The following PTPN14 variants were observed in gnomAD, a reference collection of about 807,000 sequenced individuals.
The protein encoded by PTPN14 is tyrosine-protein phosphatase non-receptor type 14.
Under a neutral mutation model 126.8 loss-of-function variants are expected in PTPN14, and 53 were observed. The ratio of observed to expected loss-of-function variants is 0.42; its 90% CI spans 0.34 to 0.53. The LOEUF (loss-of-function observed/expected upper bound fraction) is 0.53. Ranked by LOEUF, PTPN14 falls within the 20% of genes least tolerant of loss-of-function variation. PTPN14 has a pLI of 0.08. For synonymous variants in PTPN14, 630 were observed against 599.3 expected (o/e 1.05, Z -0.75); for missense variants, 1,257 against 1,552.9 (o/e 0.81, Z 3.20).
chr1:214,541,836 T>G (rs1655844916), intron 1 of PTPN14, among the ~76,000 whole-genome samples: 1 of 152,218 alleles, frequency 6.6e-6, no homozygotes, highest in Non-Finnish European at 1.5e-5. Context: ...TCCTGTGTGC[T>G]TCAGACAAAA....
In PTPN14 at chr1:214,444,571, C is replaced by T. The variant is rs116510406; in HGVS notation, c.344+7234G>A. Among the ~76,000 whole-genome samples the T allele has an allele frequency of 8.8e-3, 1,338 of 152,268 alleles. 12 individuals are homozygous for T. The highest frequency in any genetic ancestry group is 0.014 in the Non-Finnish European group (942 of 68,020). The stretch of plus-strand genomic sequence containing the variant: ...CCATAATTAGAGCTTTTAAAACAGA[C>T]ACTTTAAACACTGGTTGAACACTAA... On this transcript the variant is annotated intron_variant, in intron 3 of 18. Coordinates refer to ENST00000366956, the MANE Select transcript of PTPN14 (RefSeq NM_005401.5).
intron 1 of PTPN14, among the ~76,000 whole-genome samples, chr1:214,497,536 C>T (rs191065004): frequency 9.9e-5 from 15 of 152,240 alleles, no homozygotes; most frequent in Admixed American, 8.5e-4. Context: ...CAAGCTTCTA[C>T]ATACATCTAT....
intron 3 of PTPN14, among the ~76,000 whole-genome samples, chr1:214,428,367 G>GA (rs1659717057): frequency 6.6e-6 from 1 of 152,134 alleles, no homozygotes; most frequent in Middle Eastern, 3.2e-3. Context: ...AGATTTGGGG[G>GA]AAACGGATTT....
intron 1 of PTPN14, among the ~76,000 whole-genome samples, chr1:214,524,345 G>T (rs1466204701): frequency 1.3e-5 from 2 of 151,774 alleles, no homozygotes; most frequent in Non-Finnish European, 1.5e-5. Flanking sequence ...CAGTATGCAC[G>T]TATCAAGGCA....
At chr1:214,394,761 G>T in intron 9 of PTPN14, 138 bp downstream of exon 9, 1 of 788,384 alleles carries the variant, frequency 1.3e-6, no homozygotes, top group South Asian at 1.5e-5. Flanking sequence ...TGACAGCACT[G>T]ACCAAGTATT....
At chr1:214,433,613 A>G (rs1215115528) in intron 3 of PTPN14, among the ~76,000 whole-genome samples, 4 of 152,002 alleles carry the variant, frequency 2.6e-5, no homozygotes, top group South Asian at 2.1e-4. Context: ...GCAAGAATGT[A>G]ACAACAAGCA....
At chr1:214,368,230 T>C (rs1001141453) in intron 17 of PTPN14, among the ~76,000 whole-genome samples, 8 of 152,084 alleles carry the variant, frequency 5.3e-5, no homozygotes, top group African/African-American at 1.9e-4. Context: ...ATTTTTGAGA[T>C]GGAGTTTTGC....
At chr1:214,429,441 C>T (rs1299280853) in intron 3 of PTPN14, among the ~76,000 whole-genome samples, 2 of 152,140 alleles carry the variant, frequency 1.3e-5, no homozygotes, top group Non-Finnish European at 2.9e-5. Context: ...AGCTAGAGTA[C>T]TACATGCTTT....
chr1:214,383,459 A>C lies in PTPN14; in HGVS notation c.2396T>G (p.Val799Gly), dbSNP rs1571962786. The change falls in exon 13 of 19, where the codon GTC becomes GGC. Residue 799 changes from valine (V) to glycine (G), a missense_variant. Transcript: ENST00000366956. This position sits in a 1 kb window ranked among gnomAD's most constrained non-coding sequence, Gnocchi z 4.4. ...GGATGGGCCGAGAGAGGCCCCGTTG[A>C]CAGCCGGCGGGTCAGTCCGAGACAT... ...ISMSRTDPPA[V>G]NGASLGPSIS... 1 of 1,614,096 alleles carries C rather than the reference A, an allele frequency of 6.2e-7. No homozygotes were observed. Among genetic ancestry groups the C allele is most frequent in the African/African-American group, 1.3e-5 (1 of 74,950 alleles).
At chr1:214,533,210 T>C in intron 1 of PTPN14, 1 of 685,064 alleles carries the variant, frequency 1.5e-6, no homozygotes, top group Non-Finnish European at 2.6e-6. Flanking sequence ...CTGCTGCACC[T>C]GGCGTCAGGG....
intron 1 of PTPN14, among the ~76,000 whole-genome samples, chr1:214,465,587 C>A (rs1436301291): frequency 1.3e-5 from 2 of 152,114 alleles, no homozygotes; most frequent in Admixed American, 6.5e-5. Context: ...TGCCTGCACT[C>A]CAGCTTGGGC....
At chr1:214,396,874 T>C (rs1017718666) in intron 8 of PTPN14, among the ~76,000 whole-genome samples, 4 of 152,230 alleles carry the variant, frequency 2.6e-5, no homozygotes, top group Admixed American at 6.5e-5. Context: ...TAAAAATTTA[T>C]AGTTACAACT....
chr1:214,470,549 G>A (rs140927349), intron 1 of PTPN14, among the ~76,000 whole-genome samples: 7 of 152,082 alleles, frequency 4.6e-5, no homozygotes, highest in South Asian at 2.1e-4. Flanking sequence ...TTTGGAGGCC[G>A]GGGCGAGTGG....
intron 1 of PTPN14, among the ~76,000 whole-genome samples, chr1:214,484,841 G>T (rs1002035931): frequency 1.3e-5 from 2 of 152,224 alleles, no homozygotes; most frequent in African/African-American, 4.8e-5. Flanking sequence ...GGAAGCAAAA[G>T]TGCGAGGTGC....
rs71165970 is a variant in PTPN14 at position 214,449,011 on chromosome 1, C to CTTTTTTTTTTTTTTTTTTTT, written c.344+2793_344+2794insAAAAAAAAAAAAAAAAAAAA. 3.5e-4 allele frequency among the ~76,000 whole-genome samples: 39 copies of CTTTTTTTTTTTTTTTTTTTT among 112,462 alleles called. 5 individuals are homozygous for CTTTTTTTTTTTTTTTTTTTT. The highest frequency in any genetic ancestry group is 6.0e-4 in the East Asian group (2 of 3,312). The allele number at this position is 112,462 out of a possible 152,430, so 73.8% of individuals were successfully genotyped here. A position where few individuals can be genotyped will look rare whatever the true frequency, so the allele number is the denominator to read the frequency against. On this transcript the variant is annotated intron_variant, in intron 3 of 18. Transcript: ENST00000366956. ...TGTGCCCTTGTAAGACTTAATTTTT[C>CTTTTTTTTTTTTTTTTTTTT]TTTTTTTTTTTTTGAGACGGAGTCT...
In PTPN14 at chr1:214,502,238, C is replaced by A. The variant is rs190823545; in HGVS notation, c.-154-37281G>T. ...CTAAGGGGGGAAGAGGGCTGGACCC[C>A]CTATTCCACCATCCTACTGATGGCG... On this transcript the variant is annotated intron_variant, in intron 1 of 18. Coordinates refer to ENST00000366956, the MANE Select transcript of PTPN14 (RefSeq NM_005401.5). Among the ~76,000 whole-genome samples the A allele has an allele frequency of 3.7e-4, 57 of 152,012 alleles. No homozygotes were observed. The East Asian group carries it at 0.011, about 28-fold the overall frequency.
intron 1 of PTPN14, among the ~76,000 whole-genome samples, chr1:214,482,199 GT>G (rs1344322577): frequency 6.8e-6 from 1 of 148,006 alleles, no homozygotes; most frequent in African/African-American, 2.5e-5. Flanking sequence ...GCTCATTCCA[GT>G]AACAACTTTT....
intron 1 of PTPN14, among the ~76,000 whole-genome samples, chr1:214,526,497 T>G (rs1655401490): frequency 6.6e-6 from 1 of 151,526 alleles, no homozygotes; most frequent in Non-Finnish European, 1.5e-5. Flanking sequence ...TTAGAATCTG[T>G]TAAGTAAGGA....
intron 18 of PTPN14, among the ~76,000 whole-genome samples, chr1:214,360,838 G>A: frequency 6.6e-6 from 1 of 152,302 alleles, no homozygotes; most frequent in East Asian, 1.9e-4. Flanking sequence ...CATGTTGACT[G>A]GAAATCCCCA....
Sources: gnomAD v4.1 joint callset for allele counts (sites outside exome capture counted in the v4.1 genomes callset) on GRCh38, gnomAD v4.1.1 for gene constraint, Gnocchi (gnomAD v3.1) non-coding constraint, MANE v1.5 for transcripts, NCBI Gene and HGNC (gene_info 2026-07-23, HGNC 2026-07-21) for gene names.